GLI1: variants seen among roughly 807,000 people sequenced by gnomAD.
GLI1 encodes the protein GLI family zinc finger 1.
In GLI1, 51 loss-of-function variants were observed where a neutral mutation model predicts 87.8. That is an observed-to-expected ratio of 0.58 (90% confidence interval 0.46 to 0.73). GLI1 has a LOEUF of 0.73. GLI1 is among the 30% of genes least tolerant of loss of function. The probability of loss-of-function intolerance (pLI) is 0.00; values close to 1 mark genes in which losing one functional copy is unlikely to be tolerated. For missense variants in GLI1, 1,292 were observed against 1,437.2 expected, an observed-to-expected ratio of 0.90 and a Z score of 1.63; for synonymous variants, 528 against 558.2, an observed-to-expected ratio of 0.95 and a Z score of 0.76.
chr12:57,470,242 C>A, intron 11 of GLI1, 75 bp from the exon 12 acceptor site: 1 of 1,119,960 alleles, frequency 8.9e-7, no homozygotes, highest in Admixed American at 2.3e-5. Context: ...CAGGGCAAGG[C>A]TGTTGCATGG....
intron 1 of GLI1, among the ~76,000 whole-genome samples, chr12:57,462,183 AT>A (rs1871180325): frequency 6.6e-6 from 1 of 152,032 alleles, no homozygotes; most frequent in Admixed American, 6.5e-5. Flanking sequence ...AGGCGGGAGA[AT>A]TGTCCCCCCA....
chr12:57,467,315 C>T lies in GLI1; in HGVS notation c.913-18C>T. 6.3e-7 allele frequency: 1 copy of T among 1,590,706 alleles called. No homozygotes were observed. The highest frequency in any genetic ancestry group is 8.6e-7 in the Non-Finnish European group (1 of 1,162,788). On this transcript the variant is annotated intron_variant, in intron 8 of 11. Transcript: ENST00000228682. ...CCTCTGTCTGAGAACTATCCTTTGA[C>T]CCCTGCATGTCCCCCAGTTTGAAGG...
At chr12:57,465,991 T>C in intron 7 of GLI1, 66 bp downstream of exon 7, 1 of 1,473,604 alleles carries the variant, frequency 6.8e-7, no homozygotes, top group Non-Finnish European at 9.4e-7. Flanking sequence ...TGGGACATGG[T>C]GGAATCCGGC....
In GLI1 at chr12:57,470,567, G is replaced by C; in HGVS notation, c.1827G>C (p.Leu609=). Residue 609 remains leucine (L), a synonymous_variant, in exon 12 of 12, where the codon CTG becomes CTC. Transcript: ENST00000228682. The part of the protein sequence containing the change: ...GGTSPTAASS[L]DRIGGLPMPP... Reference sequence around the variant, plus strand: ...CTTCGCCCACTGCAGCATCCAGCCTGGATCGGATAGGTGGTCTTCCCATGC... The same window carrying C: ...CTTCGCCCACTGCAGCATCCAGCCTCGATCGGATAGGTGGTCTTCCCATGC... 6.2e-7 allele frequency: 1 copy of C among 1,614,106 alleles called. No individual in the cohort carries two copies. The highest frequency in any genetic ancestry group is 8.5e-7 in the Non-Finnish European group (1 of 1,180,036).
In GLI1 at chr12:57,465,888, G is replaced by A. The variant is rs1183121569; in HGVS notation, c.725G>A (p.Cys242Tyr). 1.2e-6 allele frequency: 2 copies of A among 1,614,040 alleles called. No homozygotes were observed. The highest frequency in any genetic ancestry group is 1.7e-6 in the Non-Finnish European group (2 of 1,179,872). Reference protein sequence around the residue: ...VYETDCRWDGCSQEFDSQEQL... With the variant: ...VYETDCRWDGYSQEFDSQEQL... ...GAAACTGACTGCCGTTGGGATGGCT[G>A]CAGCCAGGAATTTGACTCCCAAGAG... The change falls in exon 7 of 12, where the codon TGC becomes TAC. Residue 242 changes from cysteine (C) to tyrosine (Y), a missense_variant. This residue lies in a region of GLI1 where 383 missense variants were observed against 368.4 expected (regional missense o/e 1.04). Transcript: ENST00000228682.
rs1871850983 is a variant in GLI1 at position 57,470,796 on chromosome 12, T to C, written c.2056T>C (p.Ser686Pro). Residue 686 changes from serine (S) to proline (P), a missense_variant, in exon 12 of 12, where the codon TCA (serine) becomes CCA (proline). Physicochemically the swap from Ser to Pro is moderately conservative, Grantham distance 74. Transcript: ENST00000228682. ...FDPYLPTSVY[S>P]PQPPSITENA... ...TCCTTACCTCCCAACCTCTGTCTACTCACCACAGCCCCCCAGCATCACTGA... is the reference window on the plus strand; with the variant it reads ...TCCTTACCTCCCAACCTCTGTCTACCCACCACAGCCCCCCAGCATCACTGA... 6.2e-7 allele frequency: 1 copy of C among 1,612,704 alleles called. No homozygotes were observed. Among genetic ancestry groups the C allele is most frequent in the Non-Finnish European group, 8.5e-7 (1 of 1,179,274 alleles).
At position 57,471,850 on chromosome 12, in the gene GLI1, T is replaced by C; in HGVS notation, c.3110T>C (p.Leu1037Pro). Residue 1037 changes from leucine to proline, a missense_variant, in exon 12 of 12, where the codon CTG (leucine) becomes CCG (proline). Leu to Pro is a moderately conservative substitution (Grantham distance 98). Around this residue, in one of 3 missense-constraint regions of GLI1, gnomAD observed 897 missense variants for 1,040.7 expected, o/e 0.86. Coordinates refer to ENST00000228682, the MANE Select transcript of GLI1 (RefSeq NM_005269.3). This position sits in a 1 kb window ranked among gnomAD's most constrained non-coding sequence, Gnocchi z 4.9. ...CCCGAAGGACAGGTATGTAACCCCC[T>C]GGACTCTCTTGATCTTGACAACACT... is the stretch of plus-strand genomic sequence containing the variant. ...PPPEGQVCNPLDSLDLDNTQL... is the reference protein window; with the variant it reads ...PPPEGQVCNPPDSLDLDNTQL... The C allele has an allele frequency of 6.3e-7, 1 of 1,583,136 alleles. No individual in the cohort carries two copies.
rs766159479 is a variant in GLI1, at chr12:57,470,365, G to T, written c.1625G>T (p.Arg542Leu). 3.7e-6 allele frequency: 6 copies of T among 1,608,430 alleles called. No individual in the cohort carries two copies. Among genetic ancestry groups the T allele is most frequent in the South Asian group, 3.3e-5 (3 of 90,270 alleles). The change falls in exon 12 of 12, where the codon CGC becomes CTC. Residue 542 changes from arginine (R) to leucine (L), a missense_variant. Arg to Leu is a moderately radical substitution (Grantham distance 102). Coordinates refer to ENST00000228682, the MANE Select transcript of GLI1 (RefSeq NM_005269.3). ...RVGPPVSLER[R>L]SSSSSSISSA... is the part of the protein sequence containing the mutation. Reference sequence around the variant, plus strand: ...GGCCCCCCAGTCTCTCTTGAACGCCGCAGCAGCAGCTCCAGCAGCATCAGC... The same window carrying T: ...GGCCCCCCAGTCTCTCTTGAACGCCTCAGCAGCAGCTCCAGCAGCATCAGC...
At position 57,471,502 on chromosome 12, in the gene GLI1, A is replaced by G. The variant is rs777679896; in HGVS notation, c.2762A>G (p.Gln921Arg). 5.6e-6 allele frequency: 9 copies of G among 1,610,278 alleles called. No homozygotes were observed. The highest frequency in any genetic ancestry group is 4.0e-5 in the African/African-American group (3 of 74,698). ...GGGGGCAGGGAAGATGCCCCCGCCC[A>G]GGAACCTTCCTACCAGAGTCCCAAG... ...EGGGREDAPA[Q>R]EPSYQSPKFL... Residue 921 changes from glutamine (Q) to arginine (R), a missense_variant, in exon 12 of 12, where the codon CAG (glutamine) becomes CGG (arginine). By Grantham distance (43) the Gln-to-Arg change is conservative (BLOSUM62 1). Coordinates refer to ENST00000228682, the MANE Select transcript of GLI1 (RefSeq NM_005269.3). The surrounding 1 kb of genome is among the most constrained non-coding windows in gnomAD (Gnocchi z 4.9).
chr12:57,465,397 A>G, intron 5 of GLI1, 142 bp downstream of exon 5: 2 of 807,232 alleles, frequency 2.5e-6, no homozygotes, highest in Non-Finnish European at 2.0e-6. Context: ...GCTGGGGTTC[A>G]CTCCTTGCAG....
At position 57,466,389 on chromosome 12, in the gene GLI1, G is replaced by A. The variant is rs781158659; in HGVS notation, c.912G>A (p.Thr304=). 3.7e-6 allele frequency: 6 copies of A among 1,609,322 alleles called. No homozygotes were observed. The highest frequency in any genetic ancestry group is 5.1e-6 in the Non-Finnish European group (6 of 1,176,984). The change falls in exon 8 of 12, where the codon ACG becomes ACA. Residue 304 remains threonine, a splice_region_variant and synonymous_variant. Transcript: ENST00000228682. ...CTGGCGAGAAGCCACACAAGTGCAC[G>A]GTGAGGCACCAGTGTCCCAAGTCCA... The part of the protein sequence containing the change: ...RHTGEKPHKC[T]FEGCRKSYSR...
intron 1 of GLI1, 54 bp from the exon 2 acceptor site, chr12:57,463,611 C>A: frequency 1.2e-6 from 1 of 849,996 alleles, no homozygotes; most frequent in Non-Finnish European, 2.0e-6. Context: ...CCTGAGACTG[C>A]TGTCTGACAG....
chr12:57,462,478 C>T (rs1316303194), intron 1 of GLI1, among the ~76,000 whole-genome samples: 2 of 113,970 alleles, frequency 1.8e-5, no homozygotes, highest in South Asian at 6.3e-4. Context: ...CACCCTCATT[C>T]CCGGGAGACT....
chr12:57,469,558 C>T lies in GLI1; in HGVS notation c.1436C>T (p.Ser479Phe). 6.2e-7 allele frequency: 1 copy of T among 1,614,198 alleles called. No homozygotes were observed. The highest frequency in any genetic ancestry group is 1.3e-5 in the African/African-American group (1 of 75,062). ...GCAGGGGGCAGCACTGAAGACCTCT[C>T]CAGCTTGGACGAGGGACCTTGCATT... ...GNAGGSTEDL[S>F]SLDEGPCIAG... The change falls in exon 11 of 12, where the codon TCC becomes TTC. Residue 479 changes from serine (S) to phenylalanine (F), a missense_variant. Transcript: ENST00000228682.
In GLI1 at chr12:57,468,222, A is replaced by G. The variant is rs1871626414; in HGVS notation, c.1306A>G (p.Met436Val). ...ESRLTVPEGA[M>V]KPQPSPGAQS... is the part of the protein sequence containing the mutation. ...CAGACTGACTGTGCCAGAGGGTGCC[A>G]TGGTGAGAGAGCCCAGGCAACCCTC... The change falls in exon 10 of 12, where the codon ATG (methionine) becomes GTG (valine). Residue 436 changes from methionine (M) to valine (V), a missense_variant and splice_region_variant. Physicochemically the swap from Met to Val is conservative, Grantham distance 21. Around this residue, in one of 3 missense-constraint regions of GLI1, gnomAD observed 897 missense variants for 1,040.7 expected, o/e 0.86. Coordinates refer to ENST00000228682, the MANE Select transcript of GLI1 (RefSeq NM_005269.3). 1 of 1,606,290 alleles carries G rather than the reference A, an allele frequency of 6.2e-7. No homozygotes were observed. The highest frequency in any genetic ancestry group is 1.3e-5 in the African/African-American group (1 of 74,804).
In GLI1 at chr12:57,465,842, C is replaced by G. The variant is rs200097138; in HGVS notation, c.679C>G (p.Arg227Gly). The G allele has an allele frequency of 9.3e-6, 15 of 1,613,960 alleles. No homozygotes were observed. In the East Asian group the frequency reaches 1.6e-4, roughly 17 times the overall value. The part of the protein sequence containing the change: ...GREDLEREEK[R>G]EPESVYETDC... ...GGAGGACCTCGAGAGAGAGGAGAAGCGTGAGCCTGAATCTGTGTATGAAAC... is the reference window on the plus strand; with the variant it reads ...GGAGGACCTCGAGAGAGAGGAGAAGGGTGAGCCTGAATCTGTGTATGAAAC... The change falls in exon 7 of 12, where the codon CGT becomes GGT. Residue 227 changes from arginine (R) to glycine (G), a missense_variant. Arg to Gly is a moderately radical substitution (Grantham distance 125, BLOSUM62 -2). Around this residue, in one of 3 missense-constraint regions of GLI1, gnomAD observed 383 missense variants for 368.4 expected, o/e 1.04. Transcript: ENST00000228682.
rs774563719 is a variant in GLI1, at chr12:57,468,053, G to T, written c.1137G>T (p.Leu379=). Residue 379 remains leucine, a synonymous_variant, in exon 10 of 12, where the codon CTG becomes CTT. Transcript: ENST00000228682. ...CTKRYTDPSS[L]RKHVKTVHGP... ...AACGCTATACAGATCCTAGCTCGCT[G>T]CGAAAACATGTCAAGACAGTGCATG... 2.2e-5 allele frequency: 35 copies of T among 1,614,238 alleles called. No individual in the cohort carries two copies. The highest frequency in any genetic ancestry group is 3.3e-4 in the Middle Eastern group (2 of 6,062).
At chr12:57,462,343 G>A (rs557672477) in intron 1 of GLI1, among the ~76,000 whole-genome samples, 2 of 152,166 alleles carry the variant, frequency 1.3e-5, no homozygotes, top group East Asian at 3.9e-4. Context: ...GCTGGGTCGC[G>A]GGGTCCGGGT....
chr12:57,464,681 T>A lies in GLI1; in HGVS notation c.202T>A (p.Phe68Ile). 1.2e-6 allele frequency: 2 copies of A among 1,613,714 alleles called. No individual in the cohort carries two copies. The highest frequency in any genetic ancestry group is 1.7e-6 in the Non-Finnish European group (2 of 1,179,690). ...ETNSCTEGPL[F>I]SSPRSAVKLT... ...GCTGTCTCCTGCCCCAGGCCCACTC[T>A]TTTCTTCTCCCCGGAGTGCAGTCAA... Residue 68 changes from phenylalanine to isoleucine, a missense_variant, in exon 4 of 12, where the codon TTT (phenylalanine) becomes ATT (isoleucine). Phe to Ile is a conservative substitution (Grantham distance 21, BLOSUM62 0). This residue lies in a region of GLI1 where 383 missense variants were observed against 368.4 expected (regional missense o/e 1.04). Transcript: ENST00000228682.
Sources: gnomAD v4.1 joint callset for allele counts (sites outside exome capture counted in the v4.1 genomes callset) on GRCh38, gnomAD v4.1.1 for gene constraint, gnomAD v4.1.1 regional missense constraint, Gnocchi (gnomAD v3.1) non-coding constraint, MANE v1.5 for transcripts, NCBI Gene and HGNC (gene_info 2026-07-23, HGNC 2026-07-21) for gene names.